Variants in DOCK10 observed in about 807,000 individuals in gnomAD.
The protein encoded by DOCK10 is dedicator of cytokinesis 10.
DOCK10 carries 145 observed loss-of-function variants against 280.1 expected under a neutral mutation model. The ratio of observed to expected loss-of-function variants is 0.52; its 90% CI spans 0.45 to 0.59. DOCK10 has a LOEUF of 0.59. Ranked by LOEUF, DOCK10 falls within the 20% of genes least tolerant of loss-of-function variation. DOCK10 has a pLI of 0.00. For missense variants in DOCK10, 2,368 were observed against 2,651.7 expected, an observed-to-expected ratio of 0.89 and a Z score of 2.35; for synonymous variants, 915 against 942.2, an observed-to-expected ratio of 0.97 and a Z score of 0.53.
intron 2 of DOCK10, among the ~76,000 whole-genome samples, chr2:224,928,487 A>C (rs772099253): frequency 4.6e-5 from 7 of 152,226 alleles, no homozygotes; most frequent in Admixed American, 2.6e-4. Flanking sequence ...CAACCATAAA[A>C]ACCATTCTTA....
At chr2:224,951,643 T>C (rs1183112423) in intron 1 of DOCK10, among the ~76,000 whole-genome samples, 1 of 152,222 alleles carries the variant, frequency 6.6e-6, no homozygotes, top group African/African-American at 2.4e-5. Context: ...TTTAGTGGCT[T>C]ACATCAACCT....
At chr2:224,883,650 AT>A (rs1235808779) in intron 7 of DOCK10, among the ~76,000 whole-genome samples, 3 of 152,218 alleles carry the variant, frequency 2.0e-5, no homozygotes, top group Non-Finnish European at 4.4e-5. Context: ...TAAAACTAGG[AT>A]TTGAATGCGG....
rs115479923 is a variant in DOCK10 at position 224,850,368 on chromosome 2, G to A, written c.2143-769C>T. 5.8e-3 allele frequency among the ~76,000 whole-genome samples: 882 copies of A among 152,184 alleles called. 2 individuals carry two copies. Among genetic ancestry groups the A allele is most frequent in the Admixed American group, 0.011 (169 of 15,286 alleles). ...CCAAATACACTGTTGAAGAAGTTAT[G>A]AATTGAACAATTATGAGGGTCTGAA... On this transcript the variant is annotated intron_variant, in intron 18 of 55. Coordinates refer to ENST00000258390, the MANE Select transcript of DOCK10 (RefSeq NM_014689.3).
chr2:224,826,076 TG>T (rs1694829563), intron 27 of DOCK10, among the ~76,000 whole-genome samples: 1 of 152,204 alleles, frequency 6.6e-6, no homozygotes, highest in African/African-American at 2.4e-5. Flanking sequence ...GTTTGTGTTT[TG>T]TTTTGTTTGA....
rs367986744 is a variant in DOCK10 at position 224,819,457 on chromosome 2, C to T, written c.3256G>A (p.Gly1086Ser). 37 of 1,606,106 alleles carry T rather than the reference C, an allele frequency of 2.3e-5. No individual in the cohort carries two copies. The highest frequency in any genetic ancestry group is 2.2e-5 in the South Asian group (2 of 89,730). ...VNNYISMFSS[G>S]DLKTLCQYKF... is the part of the protein sequence containing the mutation. Reference sequence around the variant, plus strand: ...TACGTGGTTCTTACCTTAAGGTCACCGGAGGAGAACATGCTGATGTAATTG... The same window carrying T: ...TACGTGGTTCTTACCTTAAGGTCACTGGAGGAGAACATGCTGATGTAATTG... The change falls in exon 29 of 56, where the codon GGT becomes AGT. Residue 1086 changes from glycine (G) to serine (S), a missense_variant. By Grantham distance (56) the Gly-to-Ser change is moderately conservative (BLOSUM62 0). Transcript: ENST00000258390.
chr2:224,773,369 G>C (rs778305156), intron 52 of DOCK10, 22 bp from the exon 53 acceptor site: 6 of 1,589,684 alleles, frequency 3.8e-6, no homozygotes, highest in Non-Finnish European at 5.1e-6. Flanking sequence ...CCATACAAAG[G>C]GATTTCAAGG....
chr2:224,898,407 G>C (rs1039897909), intron 3 of DOCK10, among the ~76,000 whole-genome samples: 3 of 152,170 alleles, frequency 2.0e-5, no homozygotes, highest in Admixed American at 6.5e-5. Context: ...ACTTAAAAAC[G>C]AAACAGTGGC....
intron 1 of DOCK10, among the ~76,000 whole-genome samples, chr2:225,039,744 C>T (rs541270647): frequency 1.3e-5 from 2 of 152,178 alleles, no homozygotes; most frequent in African/African-American, 4.8e-5. Context: ...GGGAAGAAAA[C>T]TATCTTGTTA....
chr2:224,986,013 C>T (rs1046375223), intron 1 of DOCK10, among the ~76,000 whole-genome samples: 1 of 152,096 alleles, frequency 6.6e-6, no homozygotes, highest in Non-Finnish European at 1.5e-5. Context: ...TGCAAAATAC[C>T]TACGTCTGTT....
chr2:224,897,714 T>C (rs964418776), intron 3 of DOCK10, among the ~76,000 whole-genome samples: 1 of 152,250 alleles, frequency 6.6e-6, no homozygotes, highest in Admixed American at 6.5e-5. Context: ...ATAGATTTTA[T>C]AAACAGATGT....
intron 1 of DOCK10, among the ~76,000 whole-genome samples, chr2:224,967,902 T>C (rs905342877): frequency 2.6e-5 from 4 of 152,128 alleles, no homozygotes; most frequent in African/African-American, 9.7e-5. Flanking sequence ...TATACTTCTT[T>C]TACAATTTAA....
rs1476209649 is a variant in DOCK10, at chr2:224,801,916, T to C, written c.4393A>G (p.Ser1465Gly). The C allele has an allele frequency of 1.9e-6, 3 of 1,612,724 alleles. No individual in the cohort carries two copies. Among genetic ancestry groups the C allele is most frequent in the Admixed American group, 1.7e-5 (1 of 59,934 alleles). Reference protein sequence around the residue: ...LLQMLDNTMTSNSNEIDIVHH... With the variant: ...LLQMLDNTMTGNSNEIDIVHH... ...GTTCCTATTATTTCAGTTTACTTAC[T>C]GGTCATGGTATTGTCTAACATCTGT... Residue 1465 changes from serine (S) to glycine (G), a missense_variant and splice_region_variant, in exon 40 of 56, where the codon AGC (serine) becomes GGC (glycine). By Grantham distance (56) the Ser-to-Gly change is moderately conservative (BLOSUM62 0). Transcript: ENST00000258390.
intron 52 of DOCK10, among the ~76,000 whole-genome samples, chr2:224,774,684 G>A (rs989127635): frequency 2.0e-5 from 3 of 152,260 alleles, no homozygotes; most frequent in African/African-American, 4.8e-5. Context: ...TAAGGGAATA[G>A]GTATGCAAAG....
chr2:224,859,138 A>G (rs1368300665), intron 14 of DOCK10, among the ~76,000 whole-genome samples: 2 of 152,200 alleles, frequency 1.3e-5, no homozygotes, highest in Non-Finnish European at 2.9e-5. Flanking sequence ...AGTCAAACAG[A>G]AGTTGGATGA....
chr2:224,819,348 A>T (rs1242425802), intron 29 of DOCK10, 98 bp downstream of exon 29: 11 of 727,778 alleles, frequency 1.5e-5, no homozygotes, highest in Non-Finnish European at 2.2e-5. Context: ...TCACTTTCTG[A>T]TACAGAGAAT....
At chr2:224,830,355 A>G (rs1284246358) in intron 27 of DOCK10, among the ~76,000 whole-genome samples, 186 bp downstream of exon 27, 2 of 152,086 alleles carry the variant, frequency 1.3e-5, no homozygotes, top group African/African-American at 4.8e-5. Flanking sequence ...TTGTCTTGGC[A>G]TCTGCTTCTG....
chr2:225,030,936 C>A (rs1171262380), intron 1 of DOCK10, among the ~76,000 whole-genome samples: 1 of 152,168 alleles, frequency 6.6e-6, no homozygotes, highest in Non-Finnish European at 1.5e-5. Context: ...TTACTGCAAA[C>A]CAGGCCCTTG....
Position 224,765,635 on chromosome 2 carries a change from A to G in DOCK10, c.*86T>C. On this transcript the variant is annotated 3_prime_UTR_variant, in exon 56 of 56. Coordinates refer to ENST00000258390, the MANE Select transcript of DOCK10 (RefSeq NM_014689.3). Reference sequence around the variant, plus strand: ...AATATTAACACCATGAAAACTTCAAATAAATTAAACCTATCTTTCTCTTCC... The same window carrying G: ...AATATTAACACCATGAAAACTTCAAGTAAATTAAACCTATCTTTCTCTTCC... 1.0e-6 allele frequency: 1 copy of G among 959,192 alleles called. No individual in the cohort carries two copies. The allele number at this position is 959,192 out of a possible 1,614,324, so 59.4% of individuals were successfully genotyped here.
At position 224,888,755 on chromosome 2, in the gene DOCK10, AAT is replaced by A. The variant is rs532509609; in HGVS notation, c.417-2226_417-2225del. Among the ~76,000 whole-genome samples, 1,126 of 151,232 alleles carry A rather than the reference AAT, an allele frequency of 7.4e-3. 13 individuals are homozygous for A. The highest frequency in any genetic ancestry group is 0.026 in the African/African-American group (1,072 of 41,288). Reference sequence around the variant, plus strand: ...GAATATATGTGTGTATGTGTGTGTGAATATATATGTGTATGTATGTGTGTGAA... The same window carrying A: ...GAATATATGTGTGTATGTGTGTGTGAATATATGTGTATGTATGTGTGTGAA... On this transcript the variant is annotated intron_variant, in intron 4 of 55. Transcript: ENST00000258390.
Sources: gnomAD v4.1 joint callset for allele counts (sites outside exome capture counted in the v4.1 genomes callset) on GRCh38, gnomAD v4.1.1 for gene constraint, MANE v1.5 for transcripts, NCBI Gene and HGNC (gene_info 2026-07-23, HGNC 2026-07-21) for gene names.